Variants in SLC25A53 observed in about 807,000 individuals in gnomAD.
SLC25A53 encodes mitochondrial carrier triple repeat protein 6.
In SLC25A53, 5 loss-of-function variants were observed where a neutral mutation model predicts 15.0. That is an observed-to-expected ratio of 0.33 (90% CI 0.17 to 0.70). The LOEUF is 0.70. Ranked by LOEUF, SLC25A53 falls within the 30% of genes least tolerant of loss-of-function variation. The pLI, the probability that SLC25A53 is intolerant of heterozygous loss-of-function variation, is 0.67. For missense variants in SLC25A53, 216 were observed against 241.6 expected (o/e 0.89, Z 0.70); for synonymous variants, 95 against 100.0 (o/e 0.95, Z 0.30).
rs2075428806 is a variant in SLC25A53 at position 104,132,849 on chromosome X, T to C, written c.-32+24029A>G. 2.7e-5 allele frequency among the ~76,000 whole-genome samples: 3 copies of C among 111,593 alleles called. No individual in the cohort carries two copies. The South Asian group carries it at 1.1e-3, about 42-fold the overall frequency. ...GAGTTTCCACAGCAGCTGAAAACTG[T>C]GGGGATAAAATCTTGGAATGGAGAG... is the stretch of plus-strand genomic sequence containing the variant. On this transcript the variant is annotated intron_variant, in intron 1 of 1. Coordinates refer to ENST00000594199, the MANE Select transcript of SLC25A53 (RefSeq NM_001012755.5).
At chrX:104,139,623 G>A (rs1218668433) in intron 1 of SLC25A53, among the ~76,000 whole-genome samples, 2 of 111,550 alleles carry the variant, frequency 1.8e-5, no homozygotes, top group Non-Finnish European at 3.8e-5. Flanking sequence ...AGACCATCCT[G>A]GCCAACATGG....
rs1488166824 is a variant in SLC25A53, at chrX:104,104,821, C to T, written c.437G>A (p.Arg146His). 10 of 1,209,832 alleles carry T rather than the reference C, an allele frequency of 8.3e-6. No individual in the cohort carries two copies. Among genetic ancestry groups the T allele is most frequent in the African/African-American group, 3.5e-5 (2 of 57,061 alleles). Residue 146 changes from arginine (R) to histidine (H), a missense_variant, in exon 2 of 2, where the codon CGC (arginine) becomes CAC (histidine). Arg to His is a conservative substitution (Grantham distance 29). Transcript: ENST00000594199. ...ERVQNVLQDG[R>H]KQARFPSTFS... The stretch of plus-strand genomic sequence containing the variant: ...GGTGCTGGGGAAGCGAGCTTGCTTG[C>T]GACCATCCTGGAGCACATTTTGCAC...
At chrX:104,146,089 C>T (rs2075465683) in intron 1 of SLC25A53, among the ~76,000 whole-genome samples, 1 of 111,963 alleles carries the variant, frequency 8.9e-6, no homozygotes, top group Admixed American at 9.5e-5. Context: ...TCCAGCAGCA[C>T]ATCAAAAAGC....
In SLC25A53 at chrX:104,104,452, A is replaced by G; in HGVS notation, c.806T>C (p.Ile269Thr). ...GATGACTAGGGAGCCTCCACGGTAG[A>G]TCAGGAGCAGCTTTCGGCCCCGAGT... ...WNTRGRKLLL[I>T]YRGGSLVILR... is the part of the protein sequence containing the mutation. Residue 269 changes from isoleucine to threonine, a missense_variant, in exon 2 of 2, where the codon ATC (isoleucine) becomes ACC (threonine). Ile to Thr is a moderately conservative substitution (Grantham distance 89). Transcript: ENST00000594199. 8.3e-7 allele frequency: 1 copy of G among 1,211,996 alleles called. No homozygotes were observed. The highest frequency in any genetic ancestry group is 1.7e-5 in the African/African-American group (1 of 57,847).
At chrX:104,130,923 T>C (rs1228152893) in intron 1 of SLC25A53, 1 of 111,668 alleles carries the variant, frequency 9.0e-6, no homozygotes, top group Non-Finnish European at 1.9e-5. Context: ...ACCCCAAAAC[T>C]TGGGGCTTAA....
chrX:104,139,579 G>A (rs2075445522), intron 1 of SLC25A53, among the ~76,000 whole-genome samples: 1 of 111,710 alleles, frequency 9.0e-6, no homozygotes, highest in Non-Finnish European at 1.9e-5. Flanking sequence ...ACTTTGAGAG[G>A]CCAAGGCGGG....
chrX:104,119,306 C>G (rs1217721545), intron 1 of SLC25A53, among the ~76,000 whole-genome samples: 4 of 112,116 alleles, frequency 3.6e-5, no homozygotes, highest in African/African-American at 1.3e-4. Context: ...TCAAAAGCAA[C>G]CCCTTTTAAA....
intron 1 of SLC25A53, among the ~76,000 whole-genome samples, chrX:104,108,619 C>T (rs782807241): frequency 3.6e-5 from 4 of 111,106 alleles, no homozygotes; most frequent in Non-Finnish European, 7.6e-5. Context: ...ACAGAATGGA[C>T]CTAGAGTTGG....
chrX:104,123,496 T>C (rs2075400888), intron 1 of SLC25A53, among the ~76,000 whole-genome samples: 1 of 112,558 alleles, frequency 8.9e-6, no homozygotes, highest in African/African-American at 3.2e-5. Context: ...GAAGAGAAAT[T>C]TGAGAGAAAT....
chrX:104,131,705 C>G (rs925159194), intron 1 of SLC25A53, among the ~76,000 whole-genome samples: 1 of 110,939 alleles, frequency 9.0e-6, no homozygotes, highest in Non-Finnish European at 1.9e-5. Flanking sequence ...GTTTTGCTAT[C>G]AGTTCTCTTC....
chrX:104,137,682 T>C, intron 1 of SLC25A53, among the ~76,000 whole-genome samples: 1 of 111,625 alleles, frequency 9.0e-6, no homozygotes. Flanking sequence ...CAATCAGAGC[T>C]CAGCTGTGTT....
intron 1 of SLC25A53, chrX:104,130,948 A>G (rs183586779): frequency 1.5e-4 from 17 of 111,933 alleles, no homozygotes; most frequent in African/African-American, 4.9e-4. Flanking sequence ...ATAATCATTT[A>G]ATTATACTCA....
chrX:104,104,276 A>G lies in SLC25A53; in HGVS notation c.*58T>C. The G allele has an allele frequency of 5.3e-6, 6 of 1,129,744 alleles. No homozygotes were observed. The highest frequency in any genetic ancestry group is 7.2e-6 in the Non-Finnish European group (6 of 832,733). The allele number at this position is 1,129,744 out of a possible 1,213,427, so 93.1% of individuals were successfully genotyped here. ...CAACCTAGCCAAAGAAGTAAGCTAT[A>G]TAGAACCAACCAGGGAAGATTTAGA... On this transcript the variant is annotated 3_prime_UTR_variant, in exon 2 of 2. Coordinates refer to ENST00000594199, the MANE Select transcript of SLC25A53 (RefSeq NM_001012755.5).
chrX:104,135,875 C>T (rs1417660204), intron 1 of SLC25A53, among the ~76,000 whole-genome samples: 1 of 111,974 alleles, frequency 8.9e-6, no homozygotes, highest in African/African-American at 3.3e-5. Flanking sequence ...TCTGAGAAGA[C>T]AGACATATAA....
At chrX:104,149,823 A>G (rs782263226) in intron 1 of SLC25A53, among the ~76,000 whole-genome samples, 18 of 111,569 alleles carry the variant, frequency 1.6e-4, no homozygotes, top group Non-Finnish European at 2.8e-4. Flanking sequence ...GAAAAATACA[A>G]TCTGCCACTT....
At chrX:104,141,613 T>C (rs2075450866) in intron 1 of SLC25A53, among the ~76,000 whole-genome samples, 1 of 111,707 alleles carries the variant, frequency 9.0e-6, no homozygotes, top group Non-Finnish European at 1.9e-5. Context: ...TACTCTTTTT[T>C]TCCAGATAGA....
intron 1 of SLC25A53, among the ~76,000 whole-genome samples, chrX:104,122,533 G>A (rs1411725225): frequency 9.1e-6 from 1 of 110,076 alleles, no homozygotes; most frequent in Non-Finnish European, 1.9e-5. Flanking sequence ...TTACTAAAAG[G>A]CTGCTCACAC....
At chrX:104,148,577 A>C (rs1556369722) in intron 1 of SLC25A53, among the ~76,000 whole-genome samples, 1 of 109,029 alleles carries the variant, frequency 9.2e-6, no homozygotes, top group African/African-American at 3.4e-5. Flanking sequence ...GCAAACTATC[A>C]CAAGGACAAA....
At chrX:104,110,391 A>G (rs2075334281) in intron 1 of SLC25A53, among the ~76,000 whole-genome samples, 2 of 111,567 alleles carry the variant, frequency 1.8e-5, no homozygotes, top group Admixed American at 9.5e-5. Context: ...CCATCCACAG[A>G]CCATGATCCT....
Sources: allele counts gnomAD v4.1 joint callset (sites outside exome capture counted in the v4.1 genomes callset), GRCh38; gene constraint gnomAD v4.1.1; transcripts MANE v1.5; gene names NCBI Gene and HGNC (gene_info 2026-07-23, HGNC 2026-07-21).